Variants in LRCH1 observed in about 807,000 individuals in gnomAD.
The protein encoded by LRCH1 is leucine-rich repeat and calponin homology domain-containing protein 1.
Under a neutral mutation model 94.9 loss-of-function variants are expected in LRCH1, and 23 were observed. The ratio of observed to expected loss-of-function variants is 0.24; its 90% CI spans 0.17 to 0.34. The LOEUF is 0.34. Ranked by LOEUF, LRCH1 falls within the 10% of genes least tolerant of loss-of-function variation. The pLI is 1.00. For missense variants in LRCH1, 790 were observed against 945.9 expected (o/e 0.84, Z 2.16); for synonymous variants, 364 against 354.9 (o/e 1.03, Z -0.29).
At chr13:46,595,380 A>G (rs1213503905) in intron 1 of LRCH1, among the ~76,000 whole-genome samples, 1 of 152,208 alleles carries the variant, frequency 6.6e-6, no homozygotes, top group African/African-American at 2.4e-5. Context: ...CTGCATCTCC[A>G]CAGGGTTTCT....
At chr13:46,629,711 C>T (rs2050996203) in intron 1 of LRCH1, among the ~76,000 whole-genome samples, 3 of 152,220 alleles carry the variant, frequency 2.0e-5, no homozygotes, top group Admixed American at 2.0e-4. Context: ...AAATGAGGAG[C>T]CAGCAATGCA....
chr13:46,735,226 T>C (rs1873311791), intron 19 of LRCH1, among the ~76,000 whole-genome samples: 1 of 152,266 alleles, frequency 6.6e-6, no homozygotes, highest in Non-Finnish European at 1.5e-5. Flanking sequence ...GTCTATTGTG[T>C]GTGTACATTT....
At position 46,553,228 on chromosome 13, in the gene LRCH1, C is replaced by G. The variant is rs2050018261; in HGVS notation, c.-169C>G. 1.3e-5 allele frequency: 6 copies of G among 460,324 alleles called. No individual in the cohort carries two copies. The highest frequency in any genetic ancestry group is 4.7e-5 in the East Asian group (1 of 21,470). 28.5% of individuals were successfully genotyped at this position (460,324 alleles called of 1,614,324 possible). A position where few individuals can be genotyped will look rare whatever the true frequency, so the allele number is the denominator to read the frequency against. ...CAAGACCGAGCTGCCACGGCCGCCT[C>G]CCCGCCCGCCCCCCATTCTACGCGC... On this transcript the variant is annotated 5_prime_UTR_variant, in exon 1 of 20. Coordinates refer to ENST00000389797, the MANE Select transcript of LRCH1 (RefSeq NM_001164211.2).
chr13:46,729,859 G>A (rs1873013380), intron 18 of LRCH1, among the ~76,000 whole-genome samples: 1 of 152,186 alleles, frequency 6.6e-6, no homozygotes. Context: ...ATCAGTCACT[G>A]CACTCAAGGA....
chr13:46,696,232 A>T (rs28721544), intron 9 of LRCH1, among the ~76,000 whole-genome samples: 3,709 of 140,282 alleles, frequency 0.026, 116 homozygotes, highest in East Asian at 0.078. Context: ...ACACACACAC[A>T]CTCTTTATAT....
intron 19 of LRCH1, among the ~76,000 whole-genome samples, chr13:46,738,043 C>A (rs2138245101): frequency 6.6e-6 from 1 of 152,314 alleles, no homozygotes; most frequent in East Asian, 1.9e-4. Context: ...GACTTGCCTT[C>A]TTTAGATGAG....
intron 15 of LRCH1, among the ~76,000 whole-genome samples, chr13:46,715,329 A>G (rs1274127198): frequency 6.6e-6 from 1 of 152,216 alleles, no homozygotes; most frequent in Non-Finnish European, 1.5e-5. Flanking sequence ...AACTGCATGC[A>G]AAGTGTATGA....
intron 13 of LRCH1, among the ~76,000 whole-genome samples, chr13:46,710,232 C>T (rs1871989514): frequency 6.6e-6 from 1 of 152,030 alleles, no homozygotes; most frequent in Non-Finnish European, 1.5e-5. Context: ...CTCAGGGACA[C>T]TGGGGAAGGG....
At chr13:46,677,619 A>T (rs969879390) in intron 3 of LRCH1, among the ~76,000 whole-genome samples, 2 of 152,200 alleles carry the variant, frequency 1.3e-5, no homozygotes, top group African/African-American at 2.4e-5. Flanking sequence ...CATGGTTTTA[A>T]TACTTCTAGA....
At chr13:46,673,776 A>G (rs1397391572) in intron 3 of LRCH1, among the ~76,000 whole-genome samples, 1 of 123,750 alleles carries the variant, frequency 8.1e-6, no homozygotes, top group Non-Finnish European at 1.6e-5. Context: ...TTTTTTTGAG[A>G]CAGAGTCTTG....
At chr13:46,648,695 A>C (rs2051254085) in intron 1 of LRCH1, among the ~76,000 whole-genome samples, 1 of 152,098 alleles carries the variant, frequency 6.6e-6, no homozygotes, top group Non-Finnish European at 1.5e-5. Flanking sequence ...ACCTTTTAAA[A>C]TTTTGCCTTA....
chr13:46,573,862 A>ATT (rs1257313077), intron 1 of LRCH1, among the ~76,000 whole-genome samples: 9 of 72,322 alleles, frequency 1.2e-4, no homozygotes, highest in East Asian at 9.5e-4. Context: ...ATATATATAT[A>ATT]TATATTTTTT....
At chr13:46,731,834 C>T (rs555638331) in intron 18 of LRCH1, among the ~76,000 whole-genome samples, 34 of 152,276 alleles carry the variant, frequency 2.2e-4, no homozygotes, top group African/African-American at 7.7e-4. Flanking sequence ...CTCCTTGGTT[C>T]TTCAGCGTCA....
At chr13:46,689,047 T>G in intron 6 of LRCH1, 86 bp from the exon 7 acceptor site, 5 of 1,064,554 alleles carry the variant, frequency 4.7e-6, no homozygotes, top group Non-Finnish European at 7.0e-6. Context: ...AAATTATTAT[T>G]AGAATATAAA....
At chr13:46,576,078 C>T (rs2050301146) in intron 1 of LRCH1, among the ~76,000 whole-genome samples, 1 of 152,202 alleles carries the variant, frequency 6.6e-6, no homozygotes, top group Non-Finnish European at 1.5e-5. Context: ...ATTCCTTAAG[C>T]ACATGCTGAT....
chr13:46,690,795 A>G (rs844520), intron 7 of LRCH1, among the ~76,000 whole-genome samples: 148,163 of 152,268 alleles, frequency 0.97, 72,106 homozygotes, highest in East Asian at 1. Context: ...TAAGTGTTCC[A>G]AATTATCTTA....
intron 18 of LRCH1, among the ~76,000 whole-genome samples, chr13:46,732,602 A>G (rs1229439983): frequency 1.3e-5 from 2 of 152,188 alleles, no homozygotes; most frequent in African/African-American, 4.8e-5. Context: ...TCACCTAAGG[A>G]CATCTTTGGA....
intron 1 of LRCH1, among the ~76,000 whole-genome samples, chr13:46,577,184 C>A (rs2050313734): frequency 6.6e-6 from 1 of 152,286 alleles, no homozygotes; most frequent in African/African-American, 2.4e-5. Context: ...GCAACCTCCA[C>A]CTCCAGAGTT....
intron 3 of LRCH1, among the ~76,000 whole-genome samples, chr13:46,677,602 A>C (rs842367): frequency 6.6e-6 from 1 of 151,902 alleles, no homozygotes; most frequent in Non-Finnish European, 1.5e-5. Context: ...AATATATTAA[A>C]CTCCAACATG....
Sources: allele counts gnomAD v4.1 joint callset (sites outside exome capture counted in the v4.1 genomes callset), GRCh38; gene constraint gnomAD v4.1.1; transcripts MANE v1.5; gene names NCBI Gene and HGNC (gene_info 2026-07-23, HGNC 2026-07-21).